PCDHGA5: variants seen among roughly 807,000 people sequenced by gnomAD.
PCDHGA5 encodes the protein protocadherin gamma-A5.
In PCDHGA5, 36 loss-of-function variants were observed where a neutral mutation model predicts 56.7. The ratio of observed to expected loss-of-function variants is 0.64; its 90% CI spans 0.49 to 0.84. The LOEUF is 0.84. PCDHGA5 is among the 40% of genes least tolerant of loss of function. The probability of loss-of-function intolerance (pLI) is 0.00; values close to 1 mark genes in which losing one functional copy is unlikely to be tolerated. For synonymous variants in PCDHGA5, 563 were observed against 520.2 expected, an observed-to-expected ratio of 1.08 and a Z score of -1.12; for missense variants, 1,305 against 1,201.5, an observed-to-expected ratio of 1.09 and a Z score of -1.27.
Position 141,491,730 on chromosome 5 carries a change from C to A in PCDHGA5, c.2422-3077C>A, listed in dbSNP as rs1346666614. ...GGGGCTCGGCGCCGCCCCGGGCGAC[C>A]CCTGGGGGCGGCACTGGAGAAGCCG... On this transcript the variant is annotated intron_variant, in intron 1 of 3. Coordinates refer to ENST00000518069, the MANE Select transcript of PCDHGA5 (RefSeq NM_018918.3). This position sits in a 1 kb window ranked among gnomAD's most constrained non-coding sequence, Gnocchi z 6.9. 3.1e-6 allele frequency: 5 copies of A among 1,603,920 alleles called. No individual in the cohort carries two copies. The East Asian group carries it at 6.7e-5, about 22-fold the overall frequency.
In PCDHGA5 at chr5:141,366,516, G is replaced by C. The variant is rs1198130864; in HGVS notation, c.2186G>C (p.Gly729Ala). 6.2e-7 allele frequency: 1 copy of C among 1,614,156 alleles called. No individual in the cohort carries two copies. The highest frequency in any genetic ancestry group is 1.3e-5 in the African/African-American group (1 of 74,956). The change falls in exon 1 of 4, where the codon GGC becomes GCC. Residue 729 changes from glycine (G) to alanine (A), a missense_variant. Coordinates refer to ENST00000518069, the MANE Select transcript of PCDHGA5 (RefSeq NM_018918.3). ...WHKSRLLQAEGSRLAGVPASH... is the reference protein window; with the variant it reads ...WHKSRLLQAEASRLAGVPASH... ...AAGTCACGCCTGCTTCAGGCTGAAG[G>C]CAGCAGGTTGGCGGGTGTGCCCGCC...
chr5:141,468,983 AATT>A (rs958294955), intron 1 of PCDHGA5, among the ~76,000 whole-genome samples: 5 of 148,376 alleles, frequency 3.4e-5, no homozygotes, highest in Admixed American at 6.8e-5. Context: ...TGACTTCCAA[AATT>A]ATTGTTTTTG....
chr5:141,505,925 C>T (rs1161562658), intron 3 of PCDHGA5, among the ~76,000 whole-genome samples: 4 of 152,140 alleles, frequency 2.6e-5, no homozygotes, highest in Admixed American at 1.3e-4. Context: ...CTGGGCCTGG[C>T]GCTTGGAAGC....
At position 141,364,541 on chromosome 5, in the gene PCDHGA5, A is replaced by C; in HGVS notation, c.211A>C (p.Arg71=). ...CGGAGTCCGCATCGTCTCCAGAGGTAGGACGCAGCTTTTTGCCCTGAACCC... is the reference window on the plus strand; with the variant it reads ...CGGAGTCCGCATCGTCTCCAGAGGTCGGACGCAGCTTTTTGCCCTGAACCC... ...ERGVRIVSRG[R]TQLFALNPRS... Residue 71 remains arginine, a synonymous_variant, in exon 1 of 4, where the codon AGG becomes CGG. Transcript: ENST00000518069. The C allele has an allele frequency of 6.2e-7, 1 of 1,614,130 alleles. No homozygotes were observed. The highest frequency in any genetic ancestry group is 1.3e-5 in the African/African-American group (1 of 75,084).
intron 1 of PCDHGA5, chr5:141,428,659 G>A: frequency 6.1e-6 from 1 of 164,982 alleles, no homozygotes; most frequent in East Asian, 1.8e-4. Context: ...GAGTTCCAAT[G>A]AATGTCTTTC....
chr5:141,404,707 C>A, intron 1 of PCDHGA5: 1 of 1,614,122 alleles, frequency 6.2e-7, no homozygotes, highest in South Asian at 1.1e-5. Flanking sequence ...CAGAGCCTGG[C>A]TACCTGGTGA....
Position 141,372,293 on chromosome 5 carries a change from C to A in PCDHGA5, c.2421+5542C>A, listed in dbSNP as rs779422890. Reference sequence around the variant, plus strand: ...AGGTGCGCACGGCGCGTACCTTGGGCGACAGGGAGGCCGCCCGCCAGCGCC... The same window carrying A: ...AGGTGCGCACGGCGCGTACCTTGGGAGACAGGGAGGCCGCCCGCCAGCGCC... On this transcript the variant is annotated intron_variant, in intron 1 of 3. Coordinates refer to ENST00000518069, the MANE Select transcript of PCDHGA5 (RefSeq NM_018918.3). 1.9e-6 allele frequency: 3 copies of A among 1,613,106 alleles called. No homozygotes were observed. In the East Asian group the frequency reaches 6.7e-5, roughly 36 times the overall value.
Position 141,399,846 on chromosome 5 carries a change from G to T in PCDHGA5, c.2421+33095G>T, listed in dbSNP as rs377634920. 19 of 1,612,980 alleles carry T rather than the reference G, an allele frequency of 1.2e-5. No homozygotes were observed. The highest frequency in any genetic ancestry group is 5.3e-5 in the African/African-American group (4 of 75,050). On this transcript the variant is annotated intron_variant, in intron 1 of 3. Transcript: ENST00000518069. ...CCGACGGCTCTGCGCTCTTCGATAT[G>T]GTGCCGCGCGCTGCAGAGCCCGGCT...
intron 1 of PCDHGA5, among the ~76,000 whole-genome samples, chr5:141,402,461 C>T (rs892900332): frequency 6.6e-6 from 1 of 151,994 alleles, no homozygotes; most frequent in Non-Finnish European, 1.5e-5. Context: ...GTTTACATAT[C>T]TAGAAATAGA....
Position 141,370,495 on chromosome 5 carries a change from G to A in PCDHGA5, c.2421+3744G>A, listed in dbSNP as rs1766967329. The stretch of plus-strand genomic sequence containing the variant: ...GACCAGGCTCTCTCCGAACCGATCC[G>A]CTACGCTATTCCCGAGGAGCTGGAC... On this transcript the variant is annotated intron_variant, in intron 1 of 3. Transcript: ENST00000518069. The A allele has an allele frequency of 3.1e-6, 5 of 1,613,782 alleles. No individual in the cohort carries two copies. Among genetic ancestry groups the A allele is most frequent in the African/African-American group, 1.3e-5 (1 of 74,914 alleles).
chr5:141,389,081 G>C (rs371979686), intron 1 of PCDHGA5: 2 of 1,613,978 alleles, frequency 1.2e-6, no homozygotes, highest in Admixed American at 1.7e-5. Flanking sequence ...CAAGAAACAC[G>C]TATAAATTAG....
chr5:141,365,167 C>T lies in PCDHGA5; in HGVS notation c.837C>T (p.Tyr279=), dbSNP rs201444039. 6.2e-7 allele frequency: 1 copy of T among 1,613,950 alleles called. No homozygotes were observed. Among genetic ancestry groups the T allele is most frequent in the Non-Finnish European group, 8.5e-7 (1 of 1,179,900 alleles). The change falls in exon 1 of 4, where the codon TAC becomes TAT. Residue 279 remains tyrosine (Y), a synonymous_variant. Transcript: ENST00000518069. ...PDEGINGKLT[Y]SFRNEEEKIS... ...AGGGAATAAACGGGAAATTGACCTA[C>T]TCTTTTCGCAATGAAGAAGAAAAAA...
intron 1 of PCDHGA5, chr5:141,393,009 A>T: frequency 6.2e-7 from 1 of 1,613,898 alleles, no homozygotes. Flanking sequence ...CGGAGTCCGT[A>T]TCGTCTCCAG....
chr5:141,392,498 A>AT (rs201401101), intron 1 of PCDHGA5: 334 of 217,284 alleles, frequency 1.5e-3, no homozygotes, highest in East Asian at 0.014. Flanking sequence ...TAAGCAAATG[A>AT]TTTTTTTTTC....
intron 2 of PCDHGA5, among the ~76,000 whole-genome samples, chr5:141,498,976 GGAAGGAAGGAAGGAA>G (rs1562186940): frequency 1.5e-4 from 2 of 13,010 alleles, no homozygotes; most frequent in Admixed American, 2.9e-3. Context: ...AGGGAGGGAA[GGAAGGAAGGAAGGAA>G]GGAAGGAAGG....
chr5:141,372,067 A>C, intron 1 of PCDHGA5: 1 of 1,613,568 alleles, frequency 6.2e-7, no homozygotes, highest in Non-Finnish European at 8.5e-7. Context: ...CGCAACGACA[A>C]TGCACCGCTG....
intron 1 of PCDHGA5, among the ~76,000 whole-genome samples, chr5:141,435,783 G>A (rs1273339025): frequency 6.6e-6 from 1 of 152,124 alleles, no homozygotes; most frequent in Non-Finnish European, 1.5e-5. Context: ...TAAAGGTGCA[G>A]GGAAACATAA....
Position 141,384,211 on chromosome 5 carries a change from A to G in PCDHGA5, c.2421+17460A>G, listed in dbSNP as rs1779844245. On this transcript the variant is annotated intron_variant, in intron 1 of 3. Transcript: ENST00000518069. The stretch of plus-strand genomic sequence containing the variant: ...TCCTCCCTTGTCCAGGGAAACTCAC[A>G]TATTCATGCAGGTGGCAGACACCAA... The G allele has an allele frequency of 6.2e-7, 1 of 1,613,880 alleles. No individual in the cohort carries two copies. Among genetic ancestry groups the G allele is most frequent in the Non-Finnish European group, 8.5e-7 (1 of 1,179,872 alleles).
chr5:141,431,265 G>A lies in PCDHGA5; in HGVS notation c.2422-63542G>A. 2 of 1,614,168 alleles carry A rather than the reference G, an allele frequency of 1.2e-6. No homozygotes were observed. On this transcript the variant is annotated intron_variant, in intron 1 of 3. Transcript: ENST00000518069. This position sits in a 1 kb window ranked among gnomAD's most constrained non-coding sequence, Gnocchi z 4.8. ...GATATCGGGAAGAACTCTCTGCAGA[G>A]CTACGAGCTCAGCCCGAACACTCAC...
Sources: allele counts gnomAD v4.1 joint callset (sites outside exome capture counted in the v4.1 genomes callset), GRCh38; gene constraint gnomAD v4.1.1; non-coding constraint Gnocchi (gnomAD v3.1); transcripts MANE v1.5; gene names NCBI Gene and HGNC (gene_info 2026-07-23, HGNC 2026-07-21).